Variants in DPP6 observed in about 807,000 individuals in gnomAD.
DPP6 encodes A-type potassium channel modulatory protein DPP6.
In DPP6, 69 loss-of-function variants were observed where a neutral mutation model predicts 122.6. That is an observed-to-expected ratio of 0.56 (90% CI 0.46 to 0.69). The LOEUF (loss-of-function observed/expected upper bound fraction) is 0.69. DPP6 is among the 30% of genes least tolerant of loss of function. The pLI, the probability that DPP6 is intolerant of heterozygous loss-of-function variation, is 0.00. For synonymous variants in DPP6, 418 were observed against 433.1 expected (o/e 0.97, Z 0.43); for missense variants, 928 against 1,116.9 (o/e 0.83, Z 2.41).
At chr7:154,718,681 C>G (rs979173390) in intron 7 of DPP6, among the ~76,000 whole-genome samples, 17 of 145,860 alleles carry the variant, frequency 1.2e-4, no homozygotes, top group African/African-American at 4.4e-4. Flanking sequence ...CTCTTGTTGC[C>G]CAGGCTGGAG....
intron 1 of DPP6, among the ~76,000 whole-genome samples, chr7:154,421,397 A>G (rs1410292973): frequency 6.6e-6 from 1 of 150,516 alleles, no homozygotes; most frequent in African/African-American, 2.5e-5. Context: ...ATCTCAGCTC[A>G]CTGCAACCTC....
At chr7:153,953,318 G>T (rs1244133529) in intron 1 of DPP6, among the ~76,000 whole-genome samples, 1 of 152,148 alleles carries the variant, frequency 6.6e-6, no homozygotes, top group South Asian at 2.1e-4. Flanking sequence ...GGAAGCCAAA[G>T]AAGTTGGGTA....
At chr7:153,908,830 T>C (rs1039411434) in intron 1 of DPP6, among the ~76,000 whole-genome samples, 1 of 152,206 alleles carries the variant, frequency 6.6e-6, no homozygotes, top group Non-Finnish European at 1.5e-5. Flanking sequence ...CTTGGCTCAC[T>C]GCAACCTCCG....
intron 1 of DPP6, among the ~76,000 whole-genome samples, chr7:154,313,035 A>G (rs1458408350): frequency 6.6e-6 from 1 of 152,262 alleles, no homozygotes; most frequent in African/African-American, 2.4e-5. Context: ...TAGGAATTCC[A>G]AAATTATGAC....
At chr7:153,928,154 G>C (rs1256994907) in intron 1 of DPP6, among the ~76,000 whole-genome samples, 1 of 151,588 alleles carries the variant, frequency 6.6e-6, no homozygotes. Flanking sequence ...GAAGCTGGAA[G>C]TCCAAGATCA....
At chr7:153,775,763 T>C in the DPP6 span, among the ~76,000 whole-genome samples, 1 of 152,070 alleles carries the variant, frequency 6.6e-6, no homozygotes, top group African/African-American at 2.4e-5. Flanking sequence ...ACACAAAAAT[T>C]AATTGTTTTT....
intron 1 of DPP6, among the ~76,000 whole-genome samples, chr7:154,000,259 A>G (rs1014258800): frequency 6.6e-6 from 1 of 152,226 alleles, no homozygotes; most frequent in Non-Finnish European, 1.5e-5. Flanking sequence ...TGCTGGAATA[A>G]GGATTCCCCC....
chr7:154,047,147 T>C (rs1305428133), intron 1 of DPP6, among the ~76,000 whole-genome samples: 4 of 151,602 alleles, frequency 2.6e-5, no homozygotes, highest in African/African-American at 9.8e-5. Flanking sequence ...TTGTTCCCTG[T>C]GGCTCACAGT....
At chr7:154,186,252 C>A (rs927235839) in intron 1 of DPP6, among the ~76,000 whole-genome samples, 4 of 152,206 alleles carry the variant, frequency 2.6e-5, no homozygotes, top group African/African-American at 9.7e-5. Flanking sequence ...AGGACTCTGA[C>A]AATGTCTTGT....
intron 5 of DPP6, among the ~76,000 whole-genome samples, chr7:154,576,665 C>T (rs1831694674): frequency 6.6e-6 from 1 of 152,020 alleles, no homozygotes; most frequent in African/African-American, 2.4e-5. Flanking sequence ...AATGCAAGAG[C>T]GGTCTCAGCA....
At chr7:154,811,024 T>C (rs1799027707) in intron 16 of DPP6, among the ~76,000 whole-genome samples, 2 of 152,244 alleles carry the variant, frequency 1.3e-5, no homozygotes. Context: ...TCCTGAATCA[T>C]TTAAGATCTA....
chr7:153,984,643 G>T (rs1308118729), intron 1 of DPP6, among the ~76,000 whole-genome samples: 1 of 152,064 alleles, frequency 6.6e-6, no homozygotes, highest in African/African-American at 2.4e-5. Flanking sequence ...TTAGGAGAGG[G>T]AGATCCAGAC....
At chr7:154,057,481 C>T (rs11975685) in intron 1 of DPP6, 11,786 of 151,576 alleles carry the variant, frequency 0.078, 2,375 homozygotes, top group African/African-American at 0.28. Context: ...TCAAATCTTC[C>T]GACGGCAGGT....
At chr7:154,232,889 G>A (rs907178062) in intron 1 of DPP6, among the ~76,000 whole-genome samples, 1 of 152,192 alleles carries the variant, frequency 6.6e-6, no homozygotes, top group Admixed American at 6.5e-5. Context: ...GAAATAGATG[G>A]CATGGGAGTT....
chr7:154,741,359 C>T (rs1314218229), intron 8 of DPP6, among the ~76,000 whole-genome samples: 1 of 152,208 alleles, frequency 6.6e-6, no homozygotes, highest in Non-Finnish European at 1.5e-5. Flanking sequence ...ATGCTGGCCA[C>T]TCAGGCCTAC....
chr7:154,843,268 C>T (rs553859256), intron 16 of DPP6, among the ~76,000 whole-genome samples: 3 of 152,266 alleles, frequency 2.0e-5, no homozygotes, highest in African/African-American at 2.4e-5. Context: ...TGCCAATGTA[C>T]TCCAGCCTGG....
intron 1 of DPP6, among the ~76,000 whole-genome samples, chr7:154,178,984 C>T (rs1585563146): frequency 6.6e-6 from 1 of 152,180 alleles, no homozygotes; most frequent in African/African-American, 2.4e-5. Flanking sequence ...ATTCCTGGCC[C>T]CCAGCCCCTC....
intron 1 of DPP6, among the ~76,000 whole-genome samples, chr7:154,331,115 T>G (rs1388388389): frequency 6.6e-6 from 1 of 152,156 alleles, no homozygotes; most frequent in Non-Finnish European, 1.5e-5. Context: ...GTTTCCACAT[T>G]TTTTTCTCCC....
At chr7:154,502,674 G>A (rs2337375) in intron 3 of DPP6, among the ~76,000 whole-genome samples, 122,739 of 152,068 alleles carry the variant, frequency 0.81, 50,406 homozygotes, top group Non-Finnish European at 0.89. Flanking sequence ...TCTCGAGTAT[G>A]TCTTTATCAG....
Sources: gnomAD v4.1 joint callset for allele counts (sites outside exome capture counted in the v4.1 genomes callset) on GRCh38, gnomAD v4.1.1 for gene constraint, MANE v1.5 for transcripts, NCBI Gene and HGNC (gene_info 2026-07-23, HGNC 2026-07-21) for gene names.